The following CRPPA variants were observed in gnomAD, a reference collection of about 807,000 sequenced individuals.
CRPPA encodes the protein D-ribitol-5-phosphate cytidylyltransferase.
A neutral mutation model predicts 52.0 loss-of-function variants in CRPPA; 43 were observed. The observed-to-expected ratio is 0.83, with a 90% CI of 0.65 to 1.07. The LOEUF is 1.07. Among genes scored for constraint, CRPPA ranks in the 50% least tolerant of loss-of-function variants. The pLI is 0.00. For synonymous variants in CRPPA, 250 were observed against 203.5 expected, an observed-to-expected ratio of 1.23 and a Z score of -1.94; for missense variants, 629 against 551.7, an observed-to-expected ratio of 1.14 and a Z score of -1.40.
At chr7:16,364,371 T>C (rs1234482952) in intron 3 of CRPPA, among the ~76,000 whole-genome samples, 4 of 152,214 alleles carry the variant, frequency 2.6e-5, no homozygotes, top group African/African-American at 7.2e-5. Context: ...AAACCCAAGG[T>C]TGCACTGTAA....
At chr7:16,380,973 T>A (rs1787070368) in intron 2 of CRPPA, among the ~76,000 whole-genome samples, 1 of 151,860 alleles carries the variant, frequency 6.6e-6, no homozygotes, top group South Asian at 2.1e-4. Flanking sequence ...TGAAGGGTTT[T>A]TTGTGTCTCT....
chr7:16,195,739 C>G (rs530951468), intron 9 of CRPPA, among the ~76,000 whole-genome samples: 13 of 152,286 alleles, frequency 8.5e-5, no homozygotes, highest in African/African-American at 3.1e-4. Context: ...CAAGTGCCCT[C>G]TCACCCCTGC....
intron 7 of CRPPA, 67 bp from the exon 8 acceptor site, chr7:16,258,549 G>A: frequency 1.2e-6 from 1 of 861,298 alleles, no homozygotes; most frequent in Non-Finnish European, 1.8e-6. Flanking sequence ...TTATTTCAAG[G>A]AATAAATGGA....
At chr7:16,221,108 T>C (rs1782486958) in intron 8 of CRPPA, among the ~76,000 whole-genome samples, 1 of 152,060 alleles carries the variant, frequency 6.6e-6, no homozygotes, top group Non-Finnish European at 1.5e-5. Context: ...AATCGATCAA[T>C]GGAACAGAAC....
chr7:16,400,450 T>G (rs1234999367), intron 2 of CRPPA, among the ~76,000 whole-genome samples: 1 of 152,124 alleles, frequency 6.6e-6, no homozygotes, highest in African/African-American at 2.4e-5. Flanking sequence ...TGATCAACAC[T>G]TGTGTGACAC....
intron 9 of CRPPA, among the ~76,000 whole-genome samples, chr7:16,187,022 T>G (rs757583710): frequency 8.5e-5 from 13 of 152,208 alleles, no homozygotes; most frequent in Non-Finnish European, 1.5e-4. Context: ...TAAGTGAAAG[T>G]TCCTCTTTCA....
At chr7:16,364,506 T>A (rs947959540) in intron 3 of CRPPA, among the ~76,000 whole-genome samples, 2 of 152,340 alleles carry the variant, frequency 1.3e-5, no homozygotes, top group East Asian at 3.9e-4. Flanking sequence ...CGTTGCATGC[T>A]TGTCTTTATT....
At chr7:16,270,022 T>C (rs1050255909) in intron 6 of CRPPA, 1 of 152,202 alleles carries the variant, frequency 6.6e-6, no homozygotes, top group Admixed American at 6.6e-5. Context: ...TTAACTATAA[T>C]CTACATACAA....
intron 5 of CRPPA, among the ~76,000 whole-genome samples, chr7:16,288,384 A>T (rs1784492080): frequency 6.8e-6 from 1 of 147,638 alleles, no homozygotes; most frequent in Non-Finnish European, 1.5e-5. Flanking sequence ...TATATATTCT[A>T]AAAAAAAAAT....
At chr7:16,155,322 T>C (rs1370178951) in intron 9 of CRPPA, among the ~76,000 whole-genome samples, 2 of 152,302 alleles carry the variant, frequency 1.3e-5, no homozygotes, top group East Asian at 3.9e-4. Context: ...TGGGCTGACA[T>C]CACTGAACAG....
chr7:16,298,236 C>T (rs148182179), intron 5 of CRPPA, among the ~76,000 whole-genome samples: 74 of 152,230 alleles, frequency 4.9e-4, no homozygotes, highest in African/African-American at 1.6e-3. Context: ...ATGTGATGTA[C>T]TGCAGTAGCT....
chr7:16,241,974 G>GTT, intron 8 of CRPPA, among the ~76,000 whole-genome samples: 1 of 71,750 alleles, frequency 1.4e-5, no homozygotes, highest in Non-Finnish European at 3.6e-5. Context: ...TTTTTGTTGG[G>GTT]GGGAGATAGA....
At chr7:16,230,299 C>G (rs190285594) in intron 8 of CRPPA, among the ~76,000 whole-genome samples, 45 of 152,124 alleles carry the variant, frequency 3.0e-4, no homozygotes, top group Non-Finnish European at 5.6e-4. Context: ...ACCCTATAAC[C>G]TTTCTTCATT....
chr7:16,342,266 A>C (rs2128306143), intron 3 of CRPPA, among the ~76,000 whole-genome samples: 1 of 152,332 alleles, frequency 6.6e-6, no homozygotes, highest in South Asian at 2.1e-4. Flanking sequence ...CTTGTGAATA[A>C]GAGCTTAAAC....
intron 8 of CRPPA, among the ~76,000 whole-genome samples, chr7:16,256,312 G>A (rs1562589995): frequency 6.6e-6 from 1 of 152,118 alleles, no homozygotes; most frequent in Non-Finnish European, 1.5e-5. Flanking sequence ...GGAGAAATAT[G>A]AACGCTTTTA....
At chr7:16,265,237 A>G (rs1038121328) in intron 6 of CRPPA, among the ~76,000 whole-genome samples, 1 of 152,098 alleles carries the variant, frequency 6.6e-6, no homozygotes, top group African/African-American at 2.4e-5. Flanking sequence ...TAGGACTTAA[A>G]CCCTAGCTAG....
At chr7:16,327,456 G>A (rs1785435511) in intron 3 of CRPPA, among the ~76,000 whole-genome samples, 3 of 151,936 alleles carry the variant, frequency 2.0e-5, no homozygotes, top group African/African-American at 4.8e-5. Context: ...AGCCGGGCGC[G>A]GTGGCGGGCG....
intron 2 of CRPPA, among the ~76,000 whole-genome samples, chr7:16,386,748 C>T (rs948316260): frequency 2.0e-5 from 3 of 152,126 alleles, no homozygotes; most frequent in East Asian, 1.9e-4. Context: ...CAGCTGGGTA[C>T]AGTGGCTCAC....
intron 3 of CRPPA, among the ~76,000 whole-genome samples, chr7:16,361,594 T>C (rs1786445244): frequency 6.6e-6 from 1 of 152,096 alleles, no homozygotes; most frequent in Middle Eastern, 3.2e-3. Flanking sequence ...TGATGCTAAG[T>C]GAAATAAGCA....
Sources: gnomAD v4.1 joint callset for allele counts (sites outside exome capture counted in the v4.1 genomes callset) on GRCh38, gnomAD v4.1.1 for gene constraint, MANE v1.5 for transcripts, NCBI Gene and HGNC (gene_info 2026-07-23, HGNC 2026-07-21) for gene names.